Variants in IFFO1 observed in about 807,000 individuals in gnomAD.
IFFO1 encodes non-homologous end joining factor IFFO1.
IFFO1 carries 42 observed loss-of-function variants against 59.6 expected under a neutral mutation model. The ratio of observed to expected loss-of-function variants is 0.70; its 90% CI spans 0.55 to 0.91. IFFO1 has a LOEUF of 0.91. IFFO1 is among the 40% of genes least tolerant of loss of function. The pLI is 0.00. For missense variants in IFFO1, 711 were observed against 793.2 expected, an observed-to-expected ratio of 0.90 and a Z score of 1.24; for synonymous variants, 336 against 342.8, an observed-to-expected ratio of 0.98 and a Z score of 0.22.
At chr12:6,551,699 T>C (rs1056920119) in intron 1 of IFFO1, 2 of 366,910 alleles carry the variant, frequency 5.5e-6, no homozygotes, top group Non-Finnish European at 1.1e-5. Context: ...CTGGGGTTAC[T>C]AGCACTCAAA....
intron 2 of IFFO1, 45 bp downstream of exon 2, chr12:6,550,896 G>A (rs1337914479): frequency 1.2e-6 from 2 of 1,609,582 alleles, no homozygotes; most frequent in East Asian, 2.2e-5. Context: ...GGGCAGACAG[G>A]GGTACCCAGG....
chr12:6,543,652 T>TATAATGTA (rs1263632584), intron 8 of IFFO1: 1 of 152,320 alleles, frequency 6.6e-6, no homozygotes, highest in Admixed American at 6.6e-5. Context: ...CATTATATAT[T>TATAATGTA]ATAATGTAAT....
chr12:6,554,819 C>T (rs1012444570), intron 1 of IFFO1, among the ~76,000 whole-genome samples: 23 of 152,226 alleles, frequency 1.5e-4, no homozygotes, highest in Non-Finnish European at 1.2e-4. Flanking sequence ...TCACTCGTTG[C>T]AAGGTACAGC....
chr12:6,551,332 G>C, intron 1 of IFFO1: 1 of 952,528 alleles, frequency 1.0e-6, no homozygotes, highest in Non-Finnish European at 1.5e-6. Context: ...CCAGCTGTCC[G>C]GCTGGCCTCA....
rs531995265 is a variant in IFFO1, at chr12:6,544,165, CT to C, written c.1480-2524del. Reference sequence around the variant, plus strand: ...GGAGGAGTCAGATGATTTGAAAATACTTTTTTTTTTTTTTTTCCTGAGATGG... The same window carrying C: ...GGAGGAGTCAGATGATTTGAAAATACTTTTTTTTTTTTTTTCCTGAGATGG... On this transcript the variant is annotated intron_variant, in intron 8 of 9. Coordinates refer to ENST00000619571, the MANE Select transcript of IFFO1 (RefSeq NM_001193457.2). Among the ~76,000 whole-genome samples the C allele has an allele frequency of 3.2e-3, 440 of 136,640 alleles. 6 individuals are homozygous for C. The highest frequency in any genetic ancestry group is 0.032 in the South Asian group (138 of 4,366). 89.6% of individuals were successfully genotyped at this position (136,640 alleles called of 152,430 possible).
chr12:6,556,039 T>G lies in IFFO1; in HGVS notation c.-10A>C, dbSNP rs1390418164. The G allele has an allele frequency of 6.4e-6, 10 of 1,572,784 alleles. No individual in the cohort carries two copies. The highest frequency in any genetic ancestry group is 8.6e-6 in the Non-Finnish European group (10 of 1,167,818). On this transcript the variant is annotated 5_prime_UTR_variant, in exon 1 of 10. Transcript: ENST00000619571. ...CGAATAACGGATTCATGGCTGCGCC[T>G]TCTGCTGGGAGATGCAGACCGGTGC...
At chr12:6,553,618 T>A (rs1947325918) in intron 1 of IFFO1, among the ~76,000 whole-genome samples, 1 of 148,762 alleles carries the variant, frequency 6.7e-6, no homozygotes, top group Non-Finnish European at 1.5e-5. Flanking sequence ...AAAAAAAAAA[T>A]AGCCAGGCAT....
Position 6,539,884 on chromosome 12 carries a change from C to T in IFFO1, c.*599G>A, listed in dbSNP as rs112699119. On this transcript the variant is annotated 3_prime_UTR_variant, in exon 10 of 10. Coordinates refer to ENST00000619571, the MANE Select transcript of IFFO1 (RefSeq NM_001193457.2). ...GCCTCTTTAAAGCACGGCACCTCCA[C>T]GAGGGAGGGCCACAGCCACATACAC... 1,958 of 156,066 alleles carry T rather than the reference C, an allele frequency of 0.013. 36 individuals are homozygous for T. The highest frequency in any genetic ancestry group is 0.044 in the African/African-American group (1,830 of 41,576). The allele number at this position is 156,066 out of a possible 1,614,324, so 9.7% of individuals were successfully genotyped here.
Position 6,548,118 on chromosome 12 carries a change from ACTCC to A in IFFO1, c.1422_1425del (p.Glu475ProfsTer17). The A allele has an allele frequency of 6.2e-7, 1 of 1,613,820 alleles. No individual in the cohort carries two copies. On this transcript the variant is annotated frameshift_variant, in exon 8 of 10. Coordinates refer to ENST00000619571, the MANE Select transcript of IFFO1 (RefSeq NM_001193457.2). LOFTEE classifies it high-confidence loss of function. The surrounding 1 kb of genome is among the most constrained non-coding windows in gnomAD (Gnocchi z 6.1). ...TCCTTCTCCCGGGTTTTGAACAGGG[ACTCC>A]GTATCTTTAATCACCTTCTCCAGGC... is the stretch of plus-strand genomic sequence containing the variant.
Position 6,541,786 on chromosome 12 carries a change from T to G in IFFO1, c.1480-144A>C. The G allele has an allele frequency of 1.1e-6, 1 of 939,184 alleles. No homozygotes were observed. The highest frequency in any genetic ancestry group is 1.6e-5 in the African/African-American group (1 of 61,020). The allele number at this position is 939,184 out of a possible 1,614,324, so 58.2% of individuals were successfully genotyped here. On this transcript the variant is annotated intron_variant, in intron 8 of 9. Coordinates refer to ENST00000619571, the MANE Select transcript of IFFO1 (RefSeq NM_001193457.2). The surrounding 1 kb of genome is among the most constrained non-coding windows in gnomAD (Gnocchi z 4.8). ...ATTACTGAAGGCTCAGATTTTAAAA[T>G]AAACCAGACCAAGGCAGAAGGCAGC...
chr12:6,547,779 AGAAAGGAAAG>A (rs200410481), intron 8 of IFFO1, among the ~76,000 whole-genome samples: 36 of 151,460 alleles, frequency 2.4e-4, no homozygotes, highest in Admixed American at 1.9e-3. Flanking sequence ...AAGGAAGGAA[AGAAAGGAAAG>A]GAAAGGAAAG....
Position 6,540,205 on chromosome 12 carries a change from T to G in IFFO1, c.*278A>C. The G allele has an allele frequency of 1.9e-6, 1 of 530,400 alleles. No individual in the cohort carries two copies. The highest frequency in any genetic ancestry group is 3.4e-5 in the East Asian group (1 of 29,818). 32.9% of individuals were successfully genotyped at this position (530,400 alleles called of 1,614,324 possible). A position where few individuals can be genotyped will look rare whatever the true frequency, so the allele number is the denominator to read the frequency against. On this transcript the variant is annotated 3_prime_UTR_variant, in exon 10 of 10. Coordinates refer to ENST00000619571, the MANE Select transcript of IFFO1 (RefSeq NM_001193457.2). ...GGCCGCAATCGCTCTGGCAGCATTT[T>G]AAAGATGGGGAAGTAGCAGACACCC...
In IFFO1 at chr12:6,548,335, G is replaced by A; in HGVS notation, c.1383+90C>T. 1 of 1,470,170 alleles carries A rather than the reference G, an allele frequency of 6.8e-7. No homozygotes were observed. The highest frequency in any genetic ancestry group is 9.3e-7 in the Non-Finnish European group (1 of 1,070,326). The allele number at this position is 1,470,170 out of a possible 1,614,324, so 91.1% of individuals were successfully genotyped here. A position where few individuals can be genotyped will look rare whatever the true frequency, so the allele number is the denominator to read the frequency against. On this transcript the variant is annotated intron_variant, in intron 7 of 9. Transcript: ENST00000619571. The surrounding 1 kb of genome is among the most constrained non-coding windows in gnomAD (Gnocchi z 6.1). Reference sequence around the variant, plus strand: ...CGCAGGTAGAGGATGACAGCCACATGGGGGGACAGAGCAAGGAGAGGAGCG... The same window carrying A: ...CGCAGGTAGAGGATGACAGCCACATAGGGGGACAGAGCAAGGAGAGGAGCG...
In IFFO1 at chr12:6,555,265, G is replaced by A. The variant is rs1565578570; in HGVS notation, c.765C>T (p.Tyr255=). Reference sequence around the variant, plus strand: ...CCTTTCCCAATCCCTACCTCCGCTTGTACTCGTCCCGCTCCCGCTTCACTT... The same window carrying A: ...CCTTTCCCAATCCCTACCTCCGCTTATACTCGTCCCGCTCCCGCTTCACTT... The part of the protein sequence containing the change: ...LAKVKRERDE[Y]KRRWEEEYTV... Residue 255 remains tyrosine (Y), a synonymous_variant, in exon 1 of 10, where the codon TAC becomes TAT. Transcript: ENST00000619571. The surrounding 1 kb of genome is among the most constrained non-coding windows in gnomAD (Gnocchi z 8.6). 1 of 1,614,112 alleles carries A rather than the reference G, an allele frequency of 6.2e-7. No individual in the cohort carries two copies. The highest frequency in any genetic ancestry group is 2.2e-5 in the East Asian group (1 of 44,882).
intron 8 of IFFO1, among the ~76,000 whole-genome samples, chr12:6,547,481 C>T (rs563475509): frequency 2.6e-5 from 4 of 152,038 alleles, no homozygotes; most frequent in East Asian, 1.9e-4. Flanking sequence ...TTTGGGAGGC[C>T]GAGGCAGGAG....
In IFFO1 at chr12:6,541,771, G is replaced by T; in HGVS notation, c.1480-129C>A. On this transcript the variant is annotated intron_variant, in intron 8 of 9. Coordinates refer to ENST00000619571, the MANE Select transcript of IFFO1 (RefSeq NM_001193457.2). The surrounding 1 kb of genome is among the most constrained non-coding windows in gnomAD (Gnocchi z 4.8). ...GGGGCCCAGGCAGCCATTACTGAAG[G>T]CTCAGATTTTAAAATAAACCAGACC... 1 of 1,099,488 alleles carries T rather than the reference G, an allele frequency of 9.1e-7. No homozygotes were observed. Among genetic ancestry groups the T allele is most frequent in the Non-Finnish European group, 1.3e-6 (1 of 757,814 alleles). The allele number at this position is 1,099,488 out of a possible 1,614,324, so 68.1% of individuals were successfully genotyped here.
At position 6,540,401 on chromosome 12, in the gene IFFO1, T is replaced by G. The variant is rs1438793773; in HGVS notation, c.*82A>C. 6.3e-6 allele frequency: 7 copies of G among 1,111,956 alleles called. No homozygotes were observed. Among genetic ancestry groups the G allele is most frequent in the African/African-American group, 1.5e-5 (1 of 65,448 alleles). 68.9% of individuals were successfully genotyped at this position (1,111,956 alleles called of 1,614,324 possible). The stretch of plus-strand genomic sequence containing the variant: ...CGGCCTGGTGCAGAGCTGCAGCTGA[T>G]GTTCCCCTCTGTGCAGCCCCACCCT... On this transcript the variant is annotated 3_prime_UTR_variant, in exon 10 of 10. Coordinates refer to ENST00000619571, the MANE Select transcript of IFFO1 (RefSeq NM_001193457.2).
rs1946694111 is a variant in IFFO1 at position 6,541,156 on chromosome 12, T to C, written c.1610+356A>G. The stretch of plus-strand genomic sequence containing the variant: ...TGATTTTTAAAAATTCACTTTCTTG[T>C]TGCGGTGTAACTTACACAGGGTCAA... On this transcript the variant is annotated intron_variant, in intron 9 of 9. Coordinates refer to ENST00000619571, the MANE Select transcript of IFFO1 (RefSeq NM_001193457.2). The surrounding 1 kb of genome is among the most constrained non-coding windows in gnomAD (Gnocchi z 4.8). Among the ~76,000 whole-genome samples, 1 of 152,208 alleles carries C rather than the reference T, an allele frequency of 6.6e-6. No homozygotes were observed. The highest frequency in any genetic ancestry group is 6.5e-5 in the Admixed American group (1 of 15,288).
At chr12:6,554,533 C>G (rs969766282) in intron 1 of IFFO1, among the ~76,000 whole-genome samples, 1 of 152,242 alleles carries the variant, frequency 6.6e-6, no homozygotes, top group Non-Finnish European at 1.5e-5. Flanking sequence ...GCCCCGCGGC[C>G]TCGCGGTCCT....
Sources: allele counts gnomAD v4.1 joint callset (sites outside exome capture counted in the v4.1 genomes callset), GRCh38; gene constraint gnomAD v4.1.1; non-coding constraint Gnocchi (gnomAD v3.1); transcripts MANE v1.5; gene names NCBI Gene and HGNC (gene_info 2026-07-23, HGNC 2026-07-21).